Variants in RSPO2 observed in about 807,000 individuals in gnomAD.
RSPO2 encodes R-spondin 2.
In RSPO2, 14 loss-of-function variants were observed where a neutral mutation model predicts 30.9. The observed-to-expected ratio is 0.45, with a 90% CI of 0.30 to 0.71. The LOEUF is 0.71. Among genes scored for constraint, RSPO2 ranks in the 30% least tolerant of loss-of-function variants. The pLI is 0.08. For synonymous variants in RSPO2, 107 were observed against 96.4 expected, an observed-to-expected ratio of 1.11 and a Z score of -0.64; for missense variants, 264 against 301.9, an observed-to-expected ratio of 0.87 and a Z score of 0.93.
rs1353671067 is a variant in RSPO2, at chr8:107,901,194, C to A, written c.617-4G>T. 1 of 1,608,370 alleles carries A rather than the reference C, an allele frequency of 6.2e-7. No homozygotes were observed. The highest frequency in any genetic ancestry group is 1.7e-4 in the Middle Eastern group (1 of 6,042). ...TTCGCCTTTGGTGTTCTCTTCCCTG[C>A]AATGAAGGAAAGAAAAGAAGAGATG... On this transcript the variant is annotated splice_polypyrimidine_tract_variant and splice_region_variant and intron_variant, in intron 5 of 5. Coordinates refer to ENST00000276659, the MANE Select transcript of RSPO2 (RefSeq NM_178565.5).
chr8:108,024,932 A>C (rs1811161994), intron 2 of RSPO2, among the ~76,000 whole-genome samples: 1 of 152,122 alleles, frequency 6.6e-6, no homozygotes, highest in Non-Finnish European at 1.5e-5. Flanking sequence ...AGGTAGGAGG[A>C]CTGCTTGAGC....
chr8:107,997,657 C>T (rs1815077501), intron 2 of RSPO2, among the ~76,000 whole-genome samples: 1 of 152,162 alleles, frequency 6.6e-6, no homozygotes, highest in African/African-American at 2.4e-5. Context: ...CAAGGTAACA[C>T]TACCTAAATC....
chr8:108,016,820 G>T (rs960365150), intron 2 of RSPO2, among the ~76,000 whole-genome samples: 13 of 151,864 alleles, frequency 8.6e-5, no homozygotes, highest in African/African-American at 3.1e-4. Flanking sequence ...ACTCTCTCTC[G>T]CGCTCCTGCT....
chr8:107,928,135 T>C (rs1056737009), intron 5 of RSPO2, among the ~76,000 whole-genome samples: 2 of 152,166 alleles, frequency 1.3e-5, no homozygotes, highest in African/African-American at 2.4e-5. Flanking sequence ...GTATTCTTAA[T>C]AACCTTAAGT....
At chr8:107,957,645 T>C (rs1813471294) in intron 5 of RSPO2, among the ~76,000 whole-genome samples, 2 of 152,208 alleles carry the variant, frequency 1.3e-5, no homozygotes, top group South Asian at 4.1e-4. Flanking sequence ...TAAGTTGTCA[T>C]CTTCAACTAG....
At chr8:107,993,614 G>A (rs1814922639) in intron 2 of RSPO2, among the ~76,000 whole-genome samples, 1 of 152,164 alleles carries the variant, frequency 6.6e-6, no homozygotes, top group Non-Finnish European at 1.5e-5. Context: ...GCGGGGGATG[G>A]AGGAGGTATA....
chr8:108,054,513 C>T (rs1278363628), intron 2 of RSPO2, among the ~76,000 whole-genome samples: 1 of 152,122 alleles, frequency 6.6e-6, no homozygotes, highest in African/African-American at 2.4e-5. Context: ...AACTCAGGCC[C>T]ACAGCCACCC....
intron 5 of RSPO2, among the ~76,000 whole-genome samples, chr8:107,951,029 G>A (rs1004176900): frequency 2.3e-5 from 3 of 127,880 alleles, no homozygotes; most frequent in Admixed American, 8.7e-5. Flanking sequence ...GTGATGAGGC[G>A]ATAGGGAGAA....
chr8:107,965,179 ACTTACATG>A (rs1813757662), intron 3 of RSPO2, among the ~76,000 whole-genome samples: 1 of 152,194 alleles, frequency 6.6e-6, no homozygotes, highest in African/African-American at 2.4e-5. Flanking sequence ...AGTTCAGCCA[ACTTACATG>A]CTTCTAAATT....
intron 5 of RSPO2, among the ~76,000 whole-genome samples, chr8:107,953,571 G>A (rs890752519): frequency 6.6e-5 from 10 of 152,128 alleles, no homozygotes; most frequent in Non-Finnish European, 8.8e-5. Context: ...GTTAAAAGTT[G>A]GGAAGTTTAA....
At chr8:108,023,542 G>A (rs887398425) in intron 2 of RSPO2, among the ~76,000 whole-genome samples, 3 of 152,168 alleles carry the variant, frequency 2.0e-5, no homozygotes, top group East Asian at 1.9e-4. Context: ...CAAGAGAAAG[G>A]ATGTAAAAAT....
At chr8:107,934,707 C>T (rs770169931) in intron 5 of RSPO2, among the ~76,000 whole-genome samples, 2 of 152,088 alleles carry the variant, frequency 1.3e-5, no homozygotes, top group Non-Finnish European at 2.9e-5. Flanking sequence ...AACGGAGGGA[C>T]CAGCTGAAGC....
At chr8:108,005,018 T>A (rs2130570425) in intron 2 of RSPO2, among the ~76,000 whole-genome samples, 1 of 152,292 alleles carries the variant, frequency 6.6e-6, no homozygotes, top group African/African-American at 2.4e-5. Context: ...GGTTTGAAAA[T>A]CATATCTCCA....
At chr8:108,060,481 G>GA (rs1489233825) in intron 2 of RSPO2, among the ~76,000 whole-genome samples, 3 of 151,650 alleles carry the variant, frequency 2.0e-5, no homozygotes, top group Non-Finnish European at 2.9e-5. Context: ...GAAGTTTAGA[G>GA]AAAAAAAGAG....
intron 2 of RSPO2, among the ~76,000 whole-genome samples, chr8:108,079,868 TATCC>T (rs1177256200): frequency 2.6e-5 from 4 of 152,286 alleles, no homozygotes; most frequent in Non-Finnish European, 4.4e-5. Context: ...TAACTGACAC[TATCC>T]AAAACAAAGG....
At chr8:108,037,467 T>C (rs1191527913) in intron 2 of RSPO2, among the ~76,000 whole-genome samples, 1 of 152,202 alleles carries the variant, frequency 6.6e-6, no homozygotes, top group Admixed American at 6.5e-5. Context: ...GTCATCTCCA[T>C]AACATGAAAG....
intron 2 of RSPO2, among the ~76,000 whole-genome samples, chr8:108,029,140 A>G (rs1001576737): frequency 7.3e-6 from 1 of 136,504 alleles, no homozygotes; most frequent in Non-Finnish European, 1.5e-5. Context: ...ACTACAACCA[A>G]CCAGCCAAAT....
intron 5 of RSPO2, among the ~76,000 whole-genome samples, chr8:107,927,102 G>T (rs1477053479): frequency 2.0e-5 from 3 of 152,098 alleles, no homozygotes; most frequent in African/African-American, 4.8e-5. Context: ...TCCTTGAAGA[G>T]GTCCTTCACA....
chr8:107,986,850 G>T (rs1023452348), intron 3 of RSPO2, among the ~76,000 whole-genome samples: 1 of 152,104 alleles, frequency 6.6e-6, no homozygotes, highest in Non-Finnish European at 1.5e-5. Context: ...AAAGAAATCT[G>T]AACAGGAATC....
Sources: allele counts gnomAD v4.1 joint callset (sites outside exome capture counted in the v4.1 genomes callset), GRCh38; gene constraint gnomAD v4.1.1; transcripts MANE v1.5; gene names NCBI Gene and HGNC (gene_info 2026-07-23, HGNC 2026-07-21).